The following PCDHA6 variants were observed in gnomAD, a reference collection of about 807,000 sequenced individuals.
The protein encoded by PCDHA6 is protocadherin alpha 6.
PCDHA6 carries 55 observed loss-of-function variants against 60.3 expected under a neutral mutation model. The ratio of observed to expected loss-of-function variants is 0.91; its 90% confidence interval spans 0.73 to 1.14. The LOEUF (loss-of-function observed/expected upper bound fraction) is 1.14, where lower values mean the gene tolerates loss of function less well. PCDHA6 is among the 50% of genes most tolerant of loss of function. PCDHA6 has a pLI of 0.00. For synonymous variants in PCDHA6, 652 were observed against 557.9 expected, an observed-to-expected ratio of 1.17 and a Z score of -2.38; for missense variants, 1,327 against 1,256.5, an observed-to-expected ratio of 1.06 and a Z score of -0.85.
intron 3 of PCDHA6, among the ~76,000 whole-genome samples, chr5:140,993,102 C>T (rs979360910): frequency 2.6e-5 from 4 of 152,272 alleles, no homozygotes; most frequent in South Asian, 4.1e-4. Flanking sequence ...GTTTATTCAG[C>T]GGTCAGTGTC....
chr5:140,978,196 T>C (rs1043778941), intron 1 of PCDHA6, among the ~76,000 whole-genome samples: 1 of 152,190 alleles, frequency 6.6e-6, no homozygotes. Flanking sequence ...ATCTTTTCAA[T>C]ACACAACTAA....
intron 1 of PCDHA6, chr5:140,966,642 G>A (rs897727830): frequency 8.9e-7 from 1 of 1,117,790 alleles, no homozygotes; most frequent in East Asian, 3.1e-5. Flanking sequence ...GCGCTTTCTA[G>A]AGCGTGAGCG....
chr5:140,848,115 A>G, intron 1 of PCDHA6: 1 of 178,506 alleles, frequency 5.6e-6, no homozygotes, highest in Non-Finnish European at 1.2e-5. Flanking sequence ...TAAGAAAACC[A>G]CAATCAAGGT....
At chr5:140,884,679 A>C (rs782535862) in intron 1 of PCDHA6, 12 of 1,551,914 alleles carry the variant, frequency 7.7e-6, no homozygotes, top group Non-Finnish European at 8.7e-6. Context: ...TTATATTTTA[A>C]AAAATTGTCT....
intron 1 of PCDHA6, among the ~76,000 whole-genome samples, chr5:140,944,406 C>T (rs1003379783): frequency 2.0e-5 from 3 of 152,084 alleles, no homozygotes; most frequent in Non-Finnish European, 2.9e-5. Flanking sequence ...AGGCTGGTCT[C>T]GAACTCCTGA....
chr5:140,967,870 G>A (rs782622860), intron 1 of PCDHA6: 31 of 1,614,152 alleles, frequency 1.9e-5, no homozygotes, highest in Non-Finnish European at 2.5e-5. Flanking sequence ...TGGTGCTCAC[G>A]GACCTGTATA....
intron 1 of PCDHA6, chr5:140,869,408 G>T (rs782029332): frequency 2.0e-5 from 32 of 1,614,106 alleles, no homozygotes; most frequent in Non-Finnish European, 2.7e-5. Context: ...AGCGCGGAGT[G>T]CAGCATCCAC....
intron 1 of PCDHA6, chr5:140,877,686 G>T (rs1554169986): frequency 6.2e-7 from 1 of 1,613,818 alleles, no homozygotes; most frequent in Non-Finnish European, 8.5e-7. Flanking sequence ...GCAAGCCCAC[G>T]CTGGTGTGCT....
At chr5:140,863,178 C>T (rs1420894530) in intron 1 of PCDHA6, 2 of 736,748 alleles carry the variant, frequency 2.7e-6, no homozygotes, top group Non-Finnish European at 4.7e-6. Flanking sequence ...TGACTGCCAC[C>T]GTCACCGTGG....
chr5:140,920,745 G>T (rs2079798907), intron 1 of PCDHA6, among the ~76,000 whole-genome samples: 1 of 151,878 alleles, frequency 6.6e-6, no homozygotes, highest in Admixed American at 6.6e-5. Flanking sequence ...TCAGGAGGCT[G>T]AGGCAGGAGA....
intron 1 of PCDHA6, among the ~76,000 whole-genome samples, chr5:140,879,151 T>C (rs1409921025): frequency 6.6e-6 from 1 of 152,216 alleles, no homozygotes; most frequent in Non-Finnish European, 1.5e-5. Flanking sequence ...GCAGGAAAGC[T>C]ATTTCTTTTT....
intron 1 of PCDHA6, among the ~76,000 whole-genome samples, chr5:140,953,811 A>T (rs782282216): frequency 3.3e-5 from 5 of 152,074 alleles, no homozygotes; most frequent in Non-Finnish European, 5.9e-5. Context: ...TCTGAGGTGC[A>T]TGTGCTAGTT....
At chr5:140,941,211 C>CTT (rs59928198) in intron 1 of PCDHA6, among the ~76,000 whole-genome samples, 19 of 129,722 alleles carry the variant, frequency 1.5e-4, no homozygotes, top group African/African-American at 5.2e-4. Flanking sequence ...TCCTTTCTTT[C>CTT]TTCCTTTCTT....
chr5:140,853,378 T>G, intron 1 of PCDHA6: 1 of 985,390 alleles, frequency 1.0e-6, no homozygotes, highest in Non-Finnish European at 1.2e-6. Context: ...ATGGTAAAAT[T>G]CAAAACAGCC....
Position 140,838,372 on chromosome 5 carries a change from C to T in PCDHA6, c.2394+7887C>T, listed in dbSNP as rs2150288337. ...ATCTGGGACTCAAGTGATCTGACTG[C>T]CTCAGCCTCCCAATGTGCTGGGATT... On this transcript the variant is annotated intron_variant, in intron 1 of 3. Transcript: ENST00000529310. Among the ~76,000 whole-genome samples the T allele has an allele frequency of 3.3e-5, 5 of 151,128 alleles. No homozygotes were observed. In the South Asian group the frequency reaches 1.0e-3, roughly 32 times the overall value.
Position 140,828,662 on chromosome 5 carries a change from C to A in PCDHA6, c.571C>A (p.Gln191Lys), listed in dbSNP as rs1769875553. ...GAAAATAAACAGTGATGACAATAAA[C>A]AAATTGGGCTCTTATTAAAGAAATC... ...DVKINSDDNKQIGLLLKKSLD... is the reference protein window; with the variant it reads ...DVKINSDDNKKIGLLLKKSLD... The change falls in exon 1 of 4, where the codon CAA becomes AAA. Residue 191 changes from glutamine (Q) to lysine (K), a missense_variant. Transcript: ENST00000529310. 1 of 1,614,006 alleles carries A rather than the reference C, an allele frequency of 6.2e-7. No homozygotes were observed. Among genetic ancestry groups the A allele is most frequent in the African/African-American group, 1.3e-5 (1 of 74,910 alleles).
At chr5:140,954,086 C>T (rs2094976679) in intron 1 of PCDHA6, among the ~76,000 whole-genome samples, 1 of 152,212 alleles carries the variant, frequency 6.6e-6, no homozygotes, top group African/African-American at 2.4e-5. Context: ...CTTCCAGCTC[C>T]ATCCATGTCC....
rs2150152126 is a variant in PCDHA6 at position 140,828,188 on chromosome 5, T to A, written c.97T>A (p.Tyr33Asn). 1.9e-6 allele frequency: 3 copies of A among 1,614,140 alleles called. No individual in the cohort carries two copies. The highest frequency in any genetic ancestry group is 2.5e-6 in the Non-Finnish European group (3 of 1,180,038). The part of the protein sequence containing the change: ...AWKVGSGQLH[Y>N]SVPEEAKHGT... Reference sequence around the variant, plus strand: ...GAAGGTGGGGAGCGGCCAGCTCCACTACTCCGTACCCGAGGAGGCCAAACA... The same window carrying A: ...GAAGGTGGGGAGCGGCCAGCTCCACAACTCCGTACCCGAGGAGGCCAAACA... Residue 33 changes from tyrosine to asparagine, a missense_variant, in exon 1 of 4, where the codon TAC becomes AAC. Coordinates refer to ENST00000529310, the MANE Select transcript of PCDHA6 (RefSeq NM_018909.4).
At chr5:140,847,142 A>C (rs1780872222) in intron 1 of PCDHA6, among the ~76,000 whole-genome samples, 1 of 149,820 alleles carries the variant, frequency 6.7e-6, no homozygotes, top group South Asian at 2.1e-4. Flanking sequence ...CAATGTAAGA[A>C]GATCTCTTGA....
Sources: allele counts gnomAD v4.1 joint callset (sites outside exome capture counted in the v4.1 genomes callset), GRCh38; gene constraint gnomAD v4.1.1; transcripts MANE v1.5; gene names NCBI Gene and HGNC (gene_info 2026-07-23, HGNC 2026-07-21).